Variants in CSTPP1 observed in about 807,000 individuals in gnomAD.
CSTPP1 encodes UPF0705 protein C11orf49.
the CSTPP1 span, among the ~76,000 whole-genome samples, chr11:47,005,559 G>C: frequency 4.3e-4 from 66 of 152,260 alleles, no homozygotes; most frequent in Admixed American, 4.2e-3. Context: ...TTATAGAGGA[G>C]TTTGTCTTAA....
At chr11:46,980,718 T>G in the CSTPP1 span, among the ~76,000 whole-genome samples, 1 of 152,086 alleles carries the variant, frequency 6.6e-6, no homozygotes, top group African/African-American at 2.4e-5. Context: ...ATGAAGTAGA[T>G]GTATGTATTT....
the CSTPP1 span, among the ~76,000 whole-genome samples, chr11:47,082,456 A>G: frequency 1.3e-5 from 2 of 148,484 alleles, no homozygotes; most frequent in East Asian, 2.0e-4. Context: ...AAAAATACCA[A>G]AAACTCAGTA....
At chr11:46,989,453 T>G in the CSTPP1 span, among the ~76,000 whole-genome samples, 4 of 152,118 alleles carry the variant, frequency 2.6e-5, no homozygotes, top group Non-Finnish European at 5.9e-5. Context: ...TGTACTATCA[T>G]GCTCAGCTAA....
the CSTPP1 span, among the ~76,000 whole-genome samples, chr11:47,055,788 C>T: frequency 1.3e-5 from 2 of 152,186 alleles, no homozygotes; most frequent in South Asian, 4.1e-4. Context: ...GATCATGCAT[C>T]TCCATTACAG....
the CSTPP1 span, among the ~76,000 whole-genome samples, chr11:47,021,397 A>G: frequency 6.6e-6 from 1 of 152,134 alleles, no homozygotes; most frequent in Non-Finnish European, 1.5e-5. Flanking sequence ...TTCCCAGCTC[A>G]CAACTCTAAG....
the CSTPP1 span, among the ~76,000 whole-genome samples, chr11:47,113,697 G>GT: frequency 6.7e-6 from 1 of 150,020 alleles, no homozygotes; most frequent in Non-Finnish European, 1.5e-5. Flanking sequence ...TGATGGGGTT[G>GT]TTTTTTTTCT....
chr11:47,077,888 C>A, the CSTPP1 span, among the ~76,000 whole-genome samples: 2 of 152,042 alleles, frequency 1.3e-5, no homozygotes, highest in Non-Finnish European at 2.9e-5. Flanking sequence ...CTGATTAATA[C>A]TTAAAAACCC....
the CSTPP1 span, among the ~76,000 whole-genome samples, chr11:47,076,691 A>T: frequency 6.6e-6 from 1 of 151,994 alleles, no homozygotes; most frequent in Non-Finnish European, 1.5e-5. Context: ...AAATATAAAA[A>T]TCAGCTGGCC....
chr11:47,021,155 T>C, the CSTPP1 span, among the ~76,000 whole-genome samples: 1 of 152,198 alleles, frequency 6.6e-6, no homozygotes, highest in Non-Finnish European at 1.5e-5. Context: ...AACCACTACA[T>C]TGGTTTTAGC....
chr11:46,965,551 T>C, the CSTPP1 span, among the ~76,000 whole-genome samples: 1 of 152,188 alleles, frequency 6.6e-6, no homozygotes, highest in Admixed American at 6.5e-5. Flanking sequence ...TAAAAATATT[T>C]TCTAAAAACC....
At chr11:46,955,838 A>T in the CSTPP1 span, among the ~76,000 whole-genome samples, 1 of 152,056 alleles carries the variant, frequency 6.6e-6, no homozygotes, top group Non-Finnish European at 1.5e-5. Context: ...CTAAAAATAA[A>T]AAAATTAGCT....
At chr11:47,141,974 G>A in the CSTPP1 span, among the ~76,000 whole-genome samples, 2 of 146,228 alleles carry the variant, frequency 1.4e-5, no homozygotes, top group African/African-American at 5.1e-5. Flanking sequence ...ACCAGGTGCA[G>A]TGGCTTACGC....
the CSTPP1 span, among the ~76,000 whole-genome samples, chr11:46,985,430 G>A: frequency 1.3e-5 from 2 of 152,142 alleles, no homozygotes; most frequent in Non-Finnish European, 2.9e-5. Flanking sequence ...GTCTACTTTG[G>A]CAGCAACTTC....
the CSTPP1 span, among the ~76,000 whole-genome samples, chr11:47,115,280 T>C: frequency 6.6e-6 from 1 of 152,180 alleles, no homozygotes; most frequent in Admixed American, 6.5e-5. Flanking sequence ...GGGATATTGG[T>C]CTAAAATTCT....
chr11:47,079,602 T>C, the CSTPP1 span, among the ~76,000 whole-genome samples: 1 of 152,320 alleles, frequency 6.6e-6, no homozygotes, highest in South Asian at 2.1e-4. Flanking sequence ...CACTCATAAA[T>C]CCACTCACCA....
At chr11:47,101,542 C>T in the CSTPP1 span, among the ~76,000 whole-genome samples, 30 of 151,316 alleles carry the variant, frequency 2.0e-4, no homozygotes, top group African/African-American at 6.1e-4. Context: ...TTCTCAGGAG[C>T]ATATCATAAT....
At chr11:46,999,229 A>C in the CSTPP1 span, among the ~76,000 whole-genome samples, 9 of 150,958 alleles carry the variant, frequency 6.0e-5, no homozygotes, top group East Asian at 1.7e-3. Flanking sequence ...GATAATAATA[A>C]TAATATAATA....
chr11:47,009,670 G>A, the CSTPP1 span, among the ~76,000 whole-genome samples: 38 of 152,022 alleles, frequency 2.5e-4, no homozygotes, highest in Non-Finnish European at 1.0e-4. Flanking sequence ...GGTGGCAGGC[G>A]CCTGTAATCC....
the CSTPP1 span, among the ~76,000 whole-genome samples, chr11:47,093,335 A>G: frequency 6.6e-6 from 1 of 152,256 alleles, no homozygotes; most frequent in Non-Finnish European, 1.5e-5. Context: ...AAGATGCTAA[A>G]TTAGCTTTAG....
Sources: gnomAD v4.1 joint callset for allele counts (sites outside exome capture counted in the v4.1 genomes callset) on GRCh38, gnomAD v4.1.1 for gene constraint, MANE v1.5 for transcripts, NCBI Gene and HGNC (gene_info 2026-07-23, HGNC 2026-07-21) for gene names.